CHRM2: variants seen among roughly 807,000 people sequenced by gnomAD.
The protein encoded by CHRM2 is muscarinic acetylcholine receptor M2.
In CHRM2, 8 loss-of-function variants were observed where a neutral mutation model predicts 25.0. The ratio of observed to expected loss-of-function variants is 0.32; its 90% CI spans 0.19 to 0.58. CHRM2 has a LOEUF of 0.58. CHRM2 is among the 20% of genes least tolerant of loss of function. CHRM2 has a pLI of 0.88. For missense variants in CHRM2, 440 were observed against 567.1 expected (o/e 0.78, Z 2.28); for synonymous variants, 202 against 205.7 (o/e 0.98, Z 0.15).
chr7:137,011,215 G>GTGTGTGTGTGTGTATATATATATATA lies in CHRM2; in HGVS notation c.-46-3604_-46-3603insGTGTGTGTGTGTATATATATATATAT. Among the ~76,000 whole-genome samples, 95 of 134,304 alleles carry GTGTGTGTGTGTGTATATATATATATA rather than the reference G, an allele frequency of 7.1e-4. 1 individual carries two copies. Among genetic ancestry groups the GTGTGTGTGTGTGTATATATATATATA allele is most frequent in the East Asian group, 6.4e-3 (31 of 4,872 alleles). The allele number at this position is 134,304 out of a possible 152,430, so 88.1% of individuals were successfully genotyped here. On this transcript the variant is annotated intron_variant, in intron 3 of 3. Transcript: ENST00000680005. ...TGTACGTGTGTGTGTGTGTGTGTGT[G>GTGTGTGTGTGTGTATATATATATATA]TATATATATATATATATATGGATTT...
intron 2 of CHRM2, among the ~76,000 whole-genome samples, chr7:136,936,487 T>A (rs1178350554): frequency 6.6e-6 from 1 of 152,042 alleles, no homozygotes; most frequent in Non-Finnish European, 1.5e-5. Flanking sequence ...AATGTAAAAA[T>A]TGTCTTAAAA....
chr7:136,944,096 G>A (rs533844709), intron 2 of CHRM2, among the ~76,000 whole-genome samples: 1 of 152,174 alleles, frequency 6.6e-6, no homozygotes, highest in East Asian at 1.9e-4. Context: ...CTTTATTTCA[G>A]TGGGTTTTGG....
rs148222612 is a variant in CHRM2 at position 136,969,397 on chromosome 7, C to T, written c.-124-22790C>T. 7.0e-3 allele frequency among the ~76,000 whole-genome samples: 1,064 copies of T among 152,210 alleles called. 6 individuals are homozygous for T. Among genetic ancestry groups the T allele is most frequent in the Non-Finnish European group, 0.01 (687 of 67,988 alleles). ...ATTCCCGGTTATCTTCCTGATTTGA[C>T]CCACTACTTTGCCTTGATCTCTGAT... On this transcript the variant is annotated intron_variant, in intron 2 of 3. Coordinates refer to ENST00000680005, the MANE Select transcript of CHRM2 (RefSeq NM_001006630.2).
chr7:136,930,927 A>AAAAAAG (rs1290104978), intron 2 of CHRM2, among the ~76,000 whole-genome samples: 4 of 138,662 alleles, frequency 2.9e-5, no homozygotes, highest in African/African-American at 1.1e-4. Flanking sequence ...AAAAAAAAAA[A>AAAAAAG]GGATAGAAAG....
At chr7:136,994,774 T>A (rs1382277755) in intron 3 of CHRM2, among the ~76,000 whole-genome samples, 1 of 151,890 alleles carries the variant, frequency 6.6e-6, no homozygotes, top group Non-Finnish European at 1.5e-5. Context: ...TTTTTTAATT[T>A]AAAAGTAGCT....
intron 2 of CHRM2, among the ~76,000 whole-genome samples, chr7:136,942,038 T>C (rs1192745244): frequency 6.6e-6 from 1 of 152,158 alleles, no homozygotes; most frequent in Non-Finnish European, 1.5e-5. Context: ...TGGAAACACC[T>C]GTTCAGCCTG....
chr7:136,957,534 A>G (rs1430670932), intron 2 of CHRM2, among the ~76,000 whole-genome samples: 1 of 151,764 alleles, frequency 6.6e-6, no homozygotes, highest in Non-Finnish European at 1.5e-5. Context: ...TAAAAATACC[A>G]GCTTATTCTT....
At chr7:136,879,006 C>G (rs973091757) in intron 2 of CHRM2, among the ~76,000 whole-genome samples, 2 of 151,868 alleles carry the variant, frequency 1.3e-5, no homozygotes, top group African/African-American at 4.8e-5. Context: ...TGAAAACAGA[C>G]TTCATGGTAA....
intron 2 of CHRM2, among the ~76,000 whole-genome samples, chr7:136,928,315 G>C (rs912729469): frequency 1.3e-5 from 2 of 152,144 alleles, no homozygotes; most frequent in African/African-American, 4.8e-5. Flanking sequence ...TAAGTGGGTT[G>C]AGATAATAAT....
chr7:136,933,693 TAAAC>T (rs1288846001), intron 2 of CHRM2, among the ~76,000 whole-genome samples: 9 of 152,164 alleles, frequency 5.9e-5, no homozygotes, highest in Admixed American at 3.3e-4. Context: ...GATGAATAGA[TAAAC>T]AAAATGTGAT....
chr7:136,911,041 T>A (rs1797816378), intron 2 of CHRM2, among the ~76,000 whole-genome samples: 1 of 151,936 alleles, frequency 6.6e-6, no homozygotes. Flanking sequence ...TCCACTCAAA[T>A]AGGCTTAGTT....
In CHRM2 at chr7:136,979,643, C is replaced by T. The variant is rs568941682; in HGVS notation, c.-124-12544C>T. 2.0e-4 allele frequency among the ~76,000 whole-genome samples: 31 copies of T among 152,246 alleles called. No homozygotes were observed. The South Asian group carries it at 4.6e-3, about 22-fold the overall frequency. On this transcript the variant is annotated intron_variant, in intron 2 of 3. Coordinates refer to ENST00000680005, the MANE Select transcript of CHRM2 (RefSeq NM_001006630.2). ...TTGTGTAAGGTGTAAAGAAGGGGTCCAGTTTAAGTTTTCTGCATATGGCTA... is the reference window on the plus strand; with the variant it reads ...TTGTGTAAGGTGTAAAGAAGGGGTCTAGTTTAAGTTTTCTGCATATGGCTA...
chr7:136,869,983 G>A lies in CHRM2; in HGVS notation c.-125+565G>A, dbSNP rs1795753664. 1 of 152,404 alleles carries A rather than the reference G, an allele frequency of 6.6e-6. No individual in the cohort carries two copies. Among genetic ancestry groups the A allele is most frequent in the Admixed American group, 6.5e-5 (1 of 15,282 alleles). 9.4% of individuals were successfully genotyped at this position (152,404 alleles called of 1,614,324 possible). On this transcript the variant is annotated intron_variant, in intron 2 of 3. Coordinates refer to ENST00000680005, the MANE Select transcript of CHRM2 (RefSeq NM_001006630.2). This position sits in a 1 kb window ranked among gnomAD's most constrained non-coding sequence, Gnocchi z 4.9. ...TTGGGCGCTGGAGAGGTTTCCCATT[G>A]CGGTCTCCAGGTCATGGCCAAGGAG...
chr7:136,882,350 G>A (rs1796298493), intron 2 of CHRM2, among the ~76,000 whole-genome samples: 1 of 151,710 alleles, frequency 6.6e-6, no homozygotes, highest in African/African-American at 2.4e-5. Context: ...GATGGGACTT[G>A]TATTCCCTCC....
In CHRM2 at chr7:136,970,594, G is replaced by T. The variant is rs1415433830; in HGVS notation, c.-124-21593G>T. Among the ~76,000 whole-genome samples the T allele has an allele frequency of 2.0e-5, 3 of 152,020 alleles. No homozygotes were observed. In the East Asian group the frequency reaches 5.8e-4, roughly 29 times the overall value. ...GGACTTCTTTATACTGAGCACGTAG[G>T]TCTATAAAAGATAATTGCTTGCTTG... On this transcript the variant is annotated intron_variant, in intron 2 of 3. Coordinates refer to ENST00000680005, the MANE Select transcript of CHRM2 (RefSeq NM_001006630.2).
intron 2 of CHRM2, among the ~76,000 whole-genome samples, chr7:136,906,376 AT>A (rs1223173610): frequency 6.6e-6 from 1 of 150,998 alleles, no homozygotes; most frequent in East Asian, 1.9e-4. Flanking sequence ...TATGTATTAT[AT>A]TTATATATGT....
chr7:136,960,855 G>A (rs1420941306), intron 2 of CHRM2, among the ~76,000 whole-genome samples: 1 of 152,210 alleles, frequency 6.6e-6, no homozygotes, highest in Non-Finnish European at 1.5e-5. Context: ...GCAGGGCACA[G>A]TAGCTCACAC....
intron 3 of CHRM2, 117 bp from the exon 4 acceptor site, chr7:137,014,703 C>T: frequency 1.4e-6 from 1 of 700,420 alleles, no homozygotes; most frequent in South Asian, 1.9e-5. Context: ...ACACAGTAAT[C>T]ATGCAGGGGA....
intron 2 of CHRM2, chr7:136,914,329 T>C (rs1444466894): frequency 6.6e-6 from 1 of 151,996 alleles, no homozygotes; most frequent in East Asian, 1.9e-4. Flanking sequence ...ACAATTTTCA[T>C]TCTTTATTGC....
Sources: allele counts gnomAD v4.1 joint callset (sites outside exome capture counted in the v4.1 genomes callset), GRCh38; gene constraint gnomAD v4.1.1; non-coding constraint Gnocchi (gnomAD v3.1); transcripts MANE v1.5; gene names NCBI Gene and HGNC (gene_info 2026-07-23, HGNC 2026-07-21).